Variants in HEATR5B observed in about 807,000 individuals in gnomAD.
HEATR5B encodes the protein HEAT repeat-containing protein 5B.
In HEATR5B, 156 loss-of-function variants were observed where a neutral mutation model predicts 224.1. The ratio of observed to expected loss-of-function variants is 0.70; its 90% CI spans 0.61 to 0.80. HEATR5B has a LOEUF of 0.80. Ranked by LOEUF, HEATR5B falls within the 30% of genes least tolerant of loss-of-function variation. The pLI, the probability that HEATR5B is intolerant of heterozygous loss-of-function variation, is 0.00. For missense variants in HEATR5B, 2,323 were observed against 2,535.5 expected (o/e 0.92, Z 1.80); for synonymous variants, 1,027 against 893.0 (o/e 1.15, Z -2.68).
chr2:36,985,586 T>G (rs560245506), intron 35 of HEATR5B, among the ~76,000 whole-genome samples: 2 of 149,274 alleles, frequency 1.3e-5, no homozygotes, highest in South Asian at 4.2e-4. Flanking sequence ...GCCTCATGAG[T>G]AGCTGGGACT....
chr2:37,078,496 A>G (rs981820277), intron 3 of HEATR5B, among the ~76,000 whole-genome samples: 1 of 152,230 alleles, frequency 6.6e-6, no homozygotes. Context: ...CTAAATCATT[A>G]AAGTATTAAC....
intron 33 of HEATR5B, among the ~76,000 whole-genome samples, chr2:36,992,378 C>G (rs1666389270): frequency 6.6e-6 from 1 of 152,112 alleles, no homozygotes; most frequent in African/African-American, 2.4e-5. Context: ...CTCAGGAATT[C>G]AAGACTAGCC....
chr2:37,035,197 T>G (rs998218728), intron 21 of HEATR5B, among the ~76,000 whole-genome samples: 3 of 152,244 alleles, frequency 2.0e-5, no homozygotes, highest in Admixed American at 2.0e-4. Flanking sequence ...CTTTACAAAG[T>G]GTTTTCAAAA....
intron 35 of HEATR5B, among the ~76,000 whole-genome samples, chr2:36,985,622 T>G (rs1469031744): frequency 3.3e-5 from 1 of 30,540 alleles, no homozygotes; most frequent in African/African-American, 9.1e-5. Context: ...CACTCCTGGC[T>G]TTTTTTTTTT....
chr2:36,990,183 C>T (rs1666232603), intron 34 of HEATR5B, among the ~76,000 whole-genome samples: 2 of 152,146 alleles, frequency 1.3e-5, no homozygotes, highest in African/African-American at 4.8e-5. Flanking sequence ...GCGTGAGCCA[C>T]CGCACCTGGT....
chr2:37,050,565 T>C (rs1301968857), intron 17 of HEATR5B, among the ~76,000 whole-genome samples: 3 of 152,232 alleles, frequency 2.0e-5, no homozygotes, highest in African/African-American at 7.2e-5. Context: ...TTAAATGGAT[T>C]GGTTCTATCT....
chr2:37,060,824 G>T, intron 11 of HEATR5B, 91 bp from the exon 12 acceptor site: 1 of 1,043,992 alleles, frequency 9.6e-7, no homozygotes, highest in Non-Finnish European at 1.4e-6. Flanking sequence ...CAAACTTTAT[G>T]TAATTTTAGA....
At chr2:37,077,665 T>A (rs1222495121) in intron 3 of HEATR5B, among the ~76,000 whole-genome samples, 5 of 152,244 alleles carry the variant, frequency 3.3e-5, no homozygotes, top group Non-Finnish European at 7.3e-5. Flanking sequence ...ACAATCCCTC[T>A]CTTCTTTCAT....
Position 37,019,430 on chromosome 2 carries a change from T to G in HEATR5B, c.4104+379A>C, listed in dbSNP as rs78798601. Among the ~76,000 whole-genome samples, 90 of 151,686 alleles carry G rather than the reference T, an allele frequency of 5.9e-4. 1 individual carries two copies. In the East Asian group the frequency reaches 8.7e-3, roughly 15 times the overall value. Reference sequence around the variant, plus strand: ...AACTGCCATTGTTGTATTTCCAAGATAAAAATATTATTTTGTTTTTCCTCT... The same window carrying G: ...AACTGCCATTGTTGTATTTCCAAGAGAAAAATATTATTTTGTTTTTCCTCT... On this transcript the variant is annotated intron_variant, in intron 26 of 35. Coordinates refer to ENST00000233099, the MANE Select transcript of HEATR5B (RefSeq NM_019024.3).
At chr2:37,048,159 C>T (rs934843488) in intron 18 of HEATR5B, among the ~76,000 whole-genome samples, 11 of 151,152 alleles carry the variant, frequency 7.3e-5, no homozygotes, top group Middle Eastern at 3.2e-3. Flanking sequence ...AAAATAAATA[C>T]AGTACCCTAC....
intron 18 of HEATR5B, among the ~76,000 whole-genome samples, chr2:37,042,889 CAAAAAAAAAAA>C (rs373043531): frequency 0.23 from 18,718 of 80,834 alleles, 1,487 homozygotes; most frequent in South Asian, 0.29. Context: ...GACTCTGTCT[CAAAAAAAAAAA>C]AAAAAAAAAG....
chr2:37,066,430 A>G (rs180794399), intron 8 of HEATR5B, among the ~76,000 whole-genome samples: 8 of 152,362 alleles, frequency 5.3e-5, no homozygotes, highest in Non-Finnish European at 1.5e-5. Flanking sequence ...TTACTTTATT[A>G]CCATTGCTAC....
rs368410169 is a variant in HEATR5B, at chr2:37,037,144, T to TGAGATA, written c.3216+710_3216+711insTATCTC. ...ATTCCGAGTAGGAAAACTAAAAATG[T>TGAGATA]GATATATATATATATTTTGGAGATG... is the stretch of plus-strand genomic sequence containing the variant. On this transcript the variant is annotated intron_variant, in intron 21 of 35. Transcript: ENST00000233099. Among the ~76,000 whole-genome samples the TGAGATA allele has an allele frequency of 2.0e-4, 12 of 59,504 alleles. 1 individual carries two copies. The highest frequency in any genetic ancestry group is 8.2e-4 in the African/African-American group (12 of 14,630). The allele number at this position is 59,504 out of a possible 152,430, so 39.0% of individuals were successfully genotyped here.
intron 5 of HEATR5B, among the ~76,000 whole-genome samples, chr2:37,074,173 A>T (rs1307697191): frequency 5.3e-5 from 8 of 152,106 alleles, no homozygotes; most frequent in South Asian, 2.1e-4. Flanking sequence ...TACAAAAAAA[A>T]TTAGCTGGGC....
At chr2:37,001,665 TTTTC>T (rs985428017) in intron 32 of HEATR5B, among the ~76,000 whole-genome samples, 3 of 151,714 alleles carry the variant, frequency 2.0e-5, no homozygotes, top group South Asian at 4.1e-4. Context: ...GAGTTTTTCT[TTTTC>T]TTTCTTTTTT....
chr2:37,020,682 A>G lies in HEATR5B; in HGVS notation c.4008T>C (p.His1336=), dbSNP rs778973037. The part of the protein sequence containing the change: ...ASVPEPEFPG[H]VILEQYQANV... ...TAGCCTGATACTGCTCCAGTATCAC[A>G]TGACCTGGAAATTCTGGCTCAGGCA... is the stretch of plus-strand genomic sequence containing the variant. The change falls in exon 25 of 36, where the codon CAT becomes CAC. Residue 1336 remains histidine (H), a synonymous_variant. Coordinates refer to ENST00000233099, the MANE Select transcript of HEATR5B (RefSeq NM_019024.3). 2.5e-6 allele frequency: 4 copies of G among 1,590,010 alleles called. No homozygotes were observed. Among genetic ancestry groups the G allele is most frequent in the Non-Finnish European group, 3.4e-6 (4 of 1,174,172 alleles).
chr2:37,032,853 T>G, intron 21 of HEATR5B, 80 bp from the exon 22 acceptor site: 1 of 1,101,836 alleles, frequency 9.1e-7, no homozygotes, highest in South Asian at 1.6e-5. Flanking sequence ...TGAATATATA[T>G]ATACATACAT....
intron 21 of HEATR5B, among the ~76,000 whole-genome samples, chr2:37,034,082 G>C (rs970265217): frequency 3.9e-5 from 6 of 151,938 alleles, no homozygotes; most frequent in African/African-American, 1.4e-4. Context: ...TATAGCATTT[G>C]TAATTCAAGA....
chr2:37,069,622 A>T (rs1671786519), intron 7 of HEATR5B, among the ~76,000 whole-genome samples: 1 of 152,228 alleles, frequency 6.6e-6, no homozygotes, highest in African/African-American at 2.4e-5. Flanking sequence ...TACAGTTTCA[A>T]TGAAAACTGA....
Sources: allele counts gnomAD v4.1 joint callset (sites outside exome capture counted in the v4.1 genomes callset), GRCh38; gene constraint gnomAD v4.1.1; transcripts MANE v1.5; gene names NCBI Gene and HGNC (gene_info 2026-07-23, HGNC 2026-07-21).